Variants in MED13L observed in about 807,000 individuals in gnomAD.
MED13L encodes the protein mediator complex subunit 13L.
MED13L carries 7 observed loss-of-function variants against 220.9 expected under a neutral mutation model. The ratio of observed to expected loss-of-function variants is 0.03; its 90% CI spans 0.02 to 0.06. The LOEUF (loss-of-function observed/expected upper bound fraction) is 0.06, where lower values mean the gene tolerates loss of function less well. Among genes scored for constraint, MED13L ranks in the 10% least tolerant of loss-of-function variants. The pLI, the probability that MED13L is intolerant of heterozygous loss-of-function variation, is 1.00. For synonymous variants in MED13L, 1,011 were observed against 1,015.2 expected, an observed-to-expected ratio of 1.00 and a Z score of 0.08; for missense variants, 1,965 against 2,760.5, an observed-to-expected ratio of 0.71 and a Z score of 6.46.
intron 26 of MED13L, 73 bp from the exon 27 acceptor site, chr12:115,970,843 T>C (rs1462474990): frequency 5.8e-6 from 8 of 1,375,510 alleles, no homozygotes; most frequent in Non-Finnish European, 7.1e-6. Flanking sequence ...GGGCCTGATC[T>C]GGAGTGGTAT....
At chr12:116,107,784 A>G (rs1363925173) in intron 3 of MED13L, among the ~76,000 whole-genome samples, 1 of 152,228 alleles carries the variant, frequency 6.6e-6, no homozygotes, top group Non-Finnish European at 1.5e-5. Context: ...AAAGTCCTTG[A>G]TGATCTGTTT....
chr12:115,997,157 C>A lies in MED13L; in HGVS notation c.2643G>T (p.Met881Ile). The A allele has an allele frequency of 6.2e-7, 1 of 1,614,084 alleles. No homozygotes were observed. Among genetic ancestry groups the A allele is most frequent in the Non-Finnish European group, 8.5e-7 (1 of 1,179,988 alleles). ...LEQHPAFSPVMNYKDGISSET... is the reference protein window; with the variant it reads ...LEQHPAFSPVINYKDGISSET... ...CTGAGCTGATCCCATCTTTATAATT[C>A]ATCACAGGAGAAAATGCAGGATGCT... The change falls in exon 15 of 31, where the codon ATG (methionine) becomes ATT (isoleucine). Residue 881 changes from methionine to isoleucine, a missense_variant. By Grantham distance (10) the Met-to-Ile change is conservative (BLOSUM62 1). Coordinates refer to ENST00000281928, the MANE Select transcript of MED13L (RefSeq NM_015335.5).
chr12:116,019,815 A>G lies in MED13L; in HGVS notation c.783T>C (p.Tyr261=). 6.2e-7 allele frequency: 1 copy of G among 1,614,024 alleles called. No homozygotes were observed. The highest frequency in any genetic ancestry group is 8.5e-7 in the Non-Finnish European group (1 of 1,179,948). Residue 261 remains tyrosine, a synonymous_variant, in exon 6 of 31, where the codon TAT becomes TAC. Coordinates refer to ENST00000281928, the MANE Select transcript of MED13L (RefSeq NM_015335.5). ...EESKEEDELG[Y]DDDFPVAVEV... is the part of the protein sequence containing the mutation. ...CAACTGCCACAGGGAAATCATCATC[A>G]TATCCCAACTCGTCTTCCTCTTTCG...
intron 4 of MED13L, among the ~76,000 whole-genome samples, chr12:116,036,076 A>G (rs1416512960): frequency 6.6e-6 from 1 of 152,228 alleles, no homozygotes; most frequent in Non-Finnish European, 1.5e-5. Context: ...ATGAGGGTAG[A>G]AACCATGTCT....
rs757904452 is a variant in MED13L, at chr12:116,015,217, A to C, written c.1067T>G (p.Met356Arg). Residue 356 changes from methionine (M) to arginine (R), a missense_variant, in exon 8 of 31, where the codon ATG (methionine) becomes AGG (arginine). Transcript: ENST00000281928. ...ASHLVSQDGG[M>R]ITMHSPKRSG... Reference sequence around the variant, plus strand: ...TCTCTTTGGACTGTGCATCGTTATCATCCCTCCATCTTGGGAAACCAGGTG... The same window carrying C: ...TCTCTTTGGACTGTGCATCGTTATCCTCCCTCCATCTTGGGAAACCAGGTG... The C allele has an allele frequency of 4.3e-6, 7 of 1,613,822 alleles. No individual in the cohort carries two copies. The highest frequency in any genetic ancestry group is 1.3e-5 in the African/African-American group (1 of 74,882).
chr12:116,015,265 C>T lies in MED13L; in HGVS notation c.1019G>A (p.Gly340Glu). The T allele has an allele frequency of 6.2e-7, 1 of 1,613,824 alleles. No individual in the cohort carries two copies. The highest frequency in any genetic ancestry group is 8.5e-7 in the Non-Finnish European group (1 of 1,179,782). ...GTGACTGGCAGCACTCTGCATACCT[C>T]CACTCTCACCTGAAAAAAAAGGCAA... ...SPEQAILGES[G>E]GMQSAASHLV... is the part of the protein sequence containing the mutation. Residue 340 changes from glycine to glutamate, a missense_variant, in exon 8 of 31, where the codon GGA becomes GAA. Gly to Glu is a moderately conservative substitution (Grantham distance 98). Around this residue, in one of 10 missense-constraint regions of MED13L, gnomAD observed 818 missense variants for 1,041.2 expected, o/e 0.79. Coordinates refer to ENST00000281928, the MANE Select transcript of MED13L (RefSeq NM_015335.5).
chr12:115,983,610 A>G lies in MED13L; in HGVS notation c.4532-70T>C. Reference sequence around the variant, plus strand: ...GTGTCGGACTGAACCAGAATCTAGAATGGTCACTTGTAAAAACATTATGCT... The same window carrying G: ...GTGTCGGACTGAACCAGAATCTAGAGTGGTCACTTGTAAAAACATTATGCT... On this transcript the variant is annotated intron_variant, in intron 20 of 30. Transcript: ENST00000281928. The G allele has an allele frequency of 5.9e-6, 9 of 1,521,130 alleles. No individual in the cohort carries two copies. In the South Asian group the frequency reaches 8.0e-5, roughly 13 times the overall value. 94.2% of individuals were successfully genotyped at this position (1,521,130 alleles called of 1,614,324 possible).
intron 2 of MED13L, among the ~76,000 whole-genome samples, chr12:116,179,751 AG>A (rs1256090965): frequency 3.9e-5 from 6 of 152,008 alleles, no homozygotes; most frequent in African/African-American, 1.5e-4. Flanking sequence ...AGAAGGGAGG[AG>A]AACTAAAGAG....
chr12:116,119,245 C>T (rs1874792098), intron 2 of MED13L, among the ~76,000 whole-genome samples: 1 of 152,178 alleles, frequency 6.6e-6, no homozygotes, highest in African/African-American at 2.4e-5. Flanking sequence ...TCCTGGTCGA[C>T]ACCTTTGACT....
At chr12:116,198,033 C>T (rs1201750854) in intron 2 of MED13L, among the ~76,000 whole-genome samples, 1 of 152,078 alleles carries the variant, frequency 6.6e-6, no homozygotes. Flanking sequence ...AAGTCATTAA[C>T]AATAATACCA....
intron 4 of MED13L, among the ~76,000 whole-genome samples, chr12:116,049,285 C>T (rs1882015447): frequency 6.6e-6 from 1 of 152,128 alleles, no homozygotes; most frequent in Non-Finnish European, 1.5e-5. Flanking sequence ...TGCTCATAAA[C>T]CATTATGGAT....
chr12:116,091,897 T>C (rs926859866), intron 4 of MED13L, among the ~76,000 whole-genome samples: 11 of 152,242 alleles, frequency 7.2e-5, no homozygotes, highest in Non-Finnish European at 1.2e-4. Flanking sequence ...GTCTCCTTTA[T>C]GTATTCTTGT....
chr12:116,268,517 T>A lies in MED13L; in HGVS notation c.72+8543A>T, dbSNP rs1388505410. ...TATTATACTCAAAAATACTTCCTCA[T>A]ACTCACACCTGTAATCCCAGTACTT... On this transcript the variant is annotated intron_variant, in intron 1 of 30. Transcript: ENST00000281928. Among the ~76,000 whole-genome samples the A allele has an allele frequency of 2.6e-5, 4 of 151,944 alleles. No individual in the cohort carries two copies. The East Asian group carries it at 7.7e-4, about 29-fold the overall frequency.
intron 4 of MED13L, among the ~76,000 whole-genome samples, chr12:116,058,892 G>A (rs886777847): frequency 5.3e-5 from 8 of 152,098 alleles, no homozygotes; most frequent in African/African-American, 1.9e-4. Flanking sequence ...TGTAAAATAT[G>A]AATATGTTAA....
chr12:115,970,513 C>G, intron 27 of MED13L, 81 bp downstream of exon 27: 2 of 1,458,418 alleles, frequency 1.4e-6, no homozygotes, highest in African/African-American at 1.4e-5. Context: ...CACAGAAAAG[C>G]CATGCGGCAG....
chr12:116,241,616 G>A (rs895324679), intron 1 of MED13L, among the ~76,000 whole-genome samples: 1 of 152,130 alleles, frequency 6.6e-6, no homozygotes, highest in Non-Finnish European at 1.5e-5. Flanking sequence ...TGCTCTCAGT[G>A]GCAAAGGGAA....
chr12:116,011,294 A>T (rs1316055362), intron 9 of MED13L, among the ~76,000 whole-genome samples: 1 of 151,900 alleles, frequency 6.6e-6, no homozygotes, highest in African/African-American at 2.4e-5. Flanking sequence ...ATATGGTTAT[A>T]AAAAAAAGAC....
chr12:115,994,434 A>G (rs1878268216), intron 16 of MED13L, among the ~76,000 whole-genome samples: 1 of 152,160 alleles, frequency 6.6e-6, no homozygotes, highest in South Asian at 2.1e-4. Context: ...CAGGTGACAG[A>G]GCGAGACCCT....
chr12:116,276,552 C>A, intron 1 of MED13L: 1 of 1,251,738 alleles, frequency 8.0e-7, no homozygotes, highest in Non-Finnish European at 1.0e-6. Flanking sequence ...CTGACACAAT[C>A]GCATTCAATC....
Sources: gnomAD v4.1 joint callset for allele counts (sites outside exome capture counted in the v4.1 genomes callset) on GRCh38, gnomAD v4.1.1 for gene constraint, gnomAD v4.1.1 regional missense constraint, MANE v1.5 for transcripts, NCBI Gene and HGNC (gene_info 2026-07-23, HGNC 2026-07-21) for gene names.